PTPRM: variants seen among roughly 807,000 people sequenced by gnomAD.
The protein encoded by PTPRM is receptor-type tyrosine-protein phosphatase mu.
PTPRM carries 47 observed loss-of-function variants against 186.7 expected under a neutral mutation model. The ratio of observed to expected loss-of-function variants is 0.25; its 90% CI spans 0.20 to 0.32. The LOEUF (loss-of-function observed/expected upper bound fraction) is 0.32, where lower values mean the gene tolerates loss of function less well. PTPRM is among the 10% of genes least tolerant of loss of function. The pLI is 1.00. For synonymous variants in PTPRM, 668 were observed against 674.9 expected (o/e 0.99, Z 0.16); for missense variants, 1,494 against 1,865.0 (o/e 0.80, Z 3.66).
At chr18:7,958,943 C>T (rs991884508) in intron 7 of PTPRM, among the ~76,000 whole-genome samples, 3 of 152,198 alleles carry the variant, frequency 2.0e-5, no homozygotes, top group African/African-American at 7.2e-5. Flanking sequence ...GAGCCAGAGT[C>T]AGCGGTTGAG....
chr18:8,363,069 A>T (rs2095606528), intron 23 of PTPRM, among the ~76,000 whole-genome samples: 1 of 152,166 alleles, frequency 6.6e-6, no homozygotes, highest in Admixed American at 6.5e-5. Context: ...TCTGCTTGTC[A>T]TGCGCTTTCA....
At chr18:7,573,368 G>C in intron 1 of PTPRM, among the ~76,000 whole-genome samples, 1 of 152,142 alleles carries the variant, frequency 6.6e-6, no homozygotes, top group South Asian at 2.1e-4. Flanking sequence ...AACTGCACCA[G>C]TGTTGATGGT....
intron 3 of PTPRM, among the ~76,000 whole-genome samples, chr18:7,896,322 AC>A (rs1432086051): frequency 6.6e-6 from 1 of 151,756 alleles, no homozygotes; most frequent in Non-Finnish European, 1.5e-5. Flanking sequence ...CCTGTTTCCC[AC>A]CCCTACACCC....
chr18:8,071,244 T>C (rs1039533497), intron 8 of PTPRM, among the ~76,000 whole-genome samples: 3 of 152,214 alleles, frequency 2.0e-5, no homozygotes, highest in Non-Finnish European at 4.4e-5. Flanking sequence ...GTGTCCACAT[T>C]GTCATCAAGT....
intron 14 of PTPRM, among the ~76,000 whole-genome samples, chr18:8,241,914 T>C (rs1039558225): frequency 3.3e-5 from 5 of 152,214 alleles, no homozygotes; most frequent in Non-Finnish European, 7.3e-5. Context: ...TCACAGTCTT[T>C]ACAGGGCTTC....
chr18:7,762,372 C>CAT (rs1216182874), intron 1 of PTPRM, among the ~76,000 whole-genome samples: 1 of 151,830 alleles, frequency 6.6e-6, no homozygotes, highest in African/African-American at 2.4e-5. Flanking sequence ...ACCGCATGAG[C>CAT]ATAGGGGTAG....
intron 2 of PTPRM, among the ~76,000 whole-genome samples, chr18:7,833,447 T>C (rs2045861537): frequency 6.6e-6 from 1 of 152,154 alleles, no homozygotes; most frequent in Non-Finnish European, 1.5e-5. Context: ...TGCATATTGA[T>C]TTTTGGCCAG....
chr18:8,152,712 CTTTTTTTTTT>C (rs35112154), intron 14 of PTPRM, among the ~76,000 whole-genome samples: 6 of 56,928 alleles, frequency 1.1e-4, no homozygotes, highest in Non-Finnish European at 1.8e-4. Context: ...TGCCTCACCT[CTTTTTTTTTT>C]TTTTTTTTTT....
intron 3 of PTPRM, among the ~76,000 whole-genome samples, chr18:7,890,990 A>G (rs779803104): frequency 6.6e-6 from 1 of 152,068 alleles, no homozygotes; most frequent in African/African-American, 2.4e-5. Context: ...AGAAAGTGGT[A>G]TCTTGGCAGG....
intron 32 of PTPRM, among the ~76,000 whole-genome samples, chr18:8,400,451 A>C (rs367750378): frequency 5.9e-5 from 9 of 152,224 alleles, no homozygotes; most frequent in Admixed American, 5.9e-4. Context: ...ACCAGTGCAC[A>C]GGCCTGCCCC....
At chr18:8,009,323 C>CA (rs1555688133) in intron 7 of PTPRM, among the ~76,000 whole-genome samples, 1 of 145,402 alleles carries the variant, frequency 6.9e-6, no homozygotes, top group East Asian at 2.0e-4. Flanking sequence ...GCTTCCATAA[C>CA]TTTTTTTTTT....
At chr18:8,215,417 TG>T (rs1357799920) in intron 14 of PTPRM, among the ~76,000 whole-genome samples, 17 of 152,086 alleles carry the variant, frequency 1.1e-4, no homozygotes, top group African/African-American at 3.9e-4. Flanking sequence ...TATTTTCCCA[TG>T]TGTCTGTTGT....
chr18:7,643,619 C>T (rs1239134326), intron 1 of PTPRM, among the ~76,000 whole-genome samples: 2 of 152,210 alleles, frequency 1.3e-5, no homozygotes, highest in African/African-American at 4.8e-5. Context: ...GGATTACAGG[C>T]ATGAGCCACT....
chr18:8,065,466 C>T (rs886958175), intron 7 of PTPRM, among the ~76,000 whole-genome samples: 1 of 152,070 alleles, frequency 6.6e-6, no homozygotes, highest in Non-Finnish European at 1.5e-5. Flanking sequence ...ACTGAGCTTC[C>T]TGCGTGACAG....
chr18:7,805,872 A>G (rs1004191217), intron 2 of PTPRM, among the ~76,000 whole-genome samples: 25 of 152,360 alleles, frequency 1.6e-4, no homozygotes, highest in African/African-American at 5.8e-4. Context: ...CAAAGACTAG[A>G]AAAACATACC....
At chr18:7,676,337 C>T (rs148551192) in intron 1 of PTPRM, among the ~76,000 whole-genome samples, 35 of 152,230 alleles carry the variant, frequency 2.3e-4, no homozygotes, top group African/African-American at 7.5e-4. Context: ...TGGTGGCTGG[C>T]GATCAGCTAT....
At chr18:8,328,273 AG>A (rs1410414090) in intron 22 of PTPRM, among the ~76,000 whole-genome samples, 1 of 152,224 alleles carries the variant, frequency 6.6e-6, no homozygotes, top group Non-Finnish European at 1.5e-5. Flanking sequence ...GGGTTCTCAG[AG>A]CGTCAGTGTA....
intron 14 of PTPRM, among the ~76,000 whole-genome samples, chr18:8,184,859 A>G (rs2093622120): frequency 6.6e-6 from 1 of 152,160 alleles, no homozygotes; most frequent in East Asian, 1.9e-4. Flanking sequence ...CCTTTGTCCT[A>G]GTCCTCTGGT....
At position 7,648,674 on chromosome 18, in the gene PTPRM, T is replaced by C. The variant is rs2038623964; in HGVS notation, c.73+80783T>C. Among the ~76,000 whole-genome samples the C allele has an allele frequency of 2.0e-5, 3 of 152,178 alleles. No individual in the cohort carries two copies. In the South Asian group the frequency reaches 6.2e-4, roughly 31 times the overall value. ...AGACCAAGGCCCTAACTCTCTTCAATTCTGTGAAGGTTGAGAGAGGTGAGG... is the reference window on the plus strand; with the variant it reads ...AGACCAAGGCCCTAACTCTCTTCAACTCTGTGAAGGTTGAGAGAGGTGAGG... On this transcript the variant is annotated intron_variant, in intron 1 of 32. Transcript: ENST00000580170.
Sources: gnomAD v4.1 joint callset for allele counts (sites outside exome capture counted in the v4.1 genomes callset) on GRCh38, gnomAD v4.1.1 for gene constraint, MANE v1.5 for transcripts, NCBI Gene and HGNC (gene_info 2026-07-23, HGNC 2026-07-21) for gene names.